Variants in AAMP observed in about 807,000 individuals in gnomAD.
AAMP encodes angio-associated migratory cell protein.
Under a neutral mutation model 51.1 loss-of-function variants are expected in AAMP, and 12 were observed. That is an observed-to-expected ratio of 0.23 (90% CI 0.15 to 0.38). The LOEUF is 0.38. Among genes scored for constraint, AAMP ranks in the 10% least tolerant of loss-of-function variants. The pLI is 1.00. For synonymous variants in AAMP, 210 were observed against 218.7 expected (o/e 0.96, Z 0.35); for missense variants, 418 against 557.2 (o/e 0.75, Z 2.52).
chr2:218,267,443 A>T lies in AAMP; in HGVS notation c.394+51T>A. The T allele has an allele frequency of 6.2e-7, 1 of 1,604,568 alleles. No homozygotes were observed. The highest frequency in any genetic ancestry group is 8.5e-7 in the Non-Finnish European group (1 of 1,173,450). On this transcript the variant is annotated intron_variant, in intron 3 of 10. Coordinates refer to ENST00000248450, the MANE Select transcript of AAMP (RefSeq NM_001087.5). This position sits in a 1 kb window ranked among gnomAD's most constrained non-coding sequence, Gnocchi z 4.6. Reference sequence around the variant, plus strand: ...AACCTCTGCAGGTCAGCCTCCTAAGATCTCCCAAAAGAATATGACCTCTCC... The same window carrying T: ...AACCTCTGCAGGTCAGCCTCCTAAGTTCTCCCAAAAGAATATGACCTCTCC...
At chr2:218,268,909 G>A (rs1190306606) in intron 2 of AAMP, among the ~76,000 whole-genome samples, 2 of 152,116 alleles carry the variant, frequency 1.3e-5, no homozygotes, top group Non-Finnish European at 2.9e-5. Context: ...ATATTGGCCA[G>A]GCTGGTCTGG....
Position 218,265,296 on chromosome 2 carries a change from G to C in AAMP, c.1074+75C>G. On this transcript the variant is annotated intron_variant, in intron 9 of 10. Transcript: ENST00000248450. The surrounding 1 kb of genome is among the most constrained non-coding windows in gnomAD (Gnocchi z 6.6). ...CCAGGCAGGAGCCAGATCTGGGGTA[G>C]ATGCTCCTGGAGGCCTGGGCTTCCC... is the stretch of plus-strand genomic sequence containing the variant. 1 of 1,536,356 alleles carries C rather than the reference G, an allele frequency of 6.5e-7. No individual in the cohort carries two copies. The highest frequency in any genetic ancestry group is 8.8e-7 in the Non-Finnish European group (1 of 1,131,644).
In AAMP at chr2:218,265,566, C is replaced by T. The variant is rs773372806; in HGVS notation, c.983+13G>A. Reference sequence around the variant, plus strand: ...GGCCCCTCCCACAAACCCCTTTCCCCATCCTCACTCACACACTGCAGAAGC... The same window carrying T: ...GGCCCCTCCCACAAACCCCTTTCCCTATCCTCACTCACACACTGCAGAAGC... On this transcript the variant is annotated intron_variant, in intron 8 of 10. Coordinates refer to ENST00000248450, the MANE Select transcript of AAMP (RefSeq NM_001087.5). The surrounding 1 kb of genome is among the most constrained non-coding windows in gnomAD (Gnocchi z 6.6). The T allele has an allele frequency of 1.4e-5, 23 of 1,612,310 alleles. No individual in the cohort carries two copies. In the Admixed American group the frequency reaches 3.3e-4, roughly 23 times the overall value.
In AAMP at chr2:218,265,203, G is replaced by A. The variant is rs199681193; in HGVS notation, c.1075-29C>T. 538 of 1,570,528 alleles carry A rather than the reference G, an allele frequency of 3.4e-4. No homozygotes were observed. Among genetic ancestry groups the A allele is most frequent in the Non-Finnish European group, 3.4e-4 (398 of 1,158,312 alleles). ...CCCCGAGGAATGACAGAGGCAGGGC[G>A]GAGGTTGGCAGGAGAGCTGAGAGCC... is the stretch of plus-strand genomic sequence containing the variant. On this transcript the variant is annotated intron_variant, in intron 9 of 10. Transcript: ENST00000248450. The surrounding 1 kb of genome is among the most constrained non-coding windows in gnomAD (Gnocchi z 6.6).
chr2:218,267,242 C>T lies in AAMP; in HGVS notation c.394+252G>A, dbSNP rs1040951258. 20 of 662,448 alleles carry T rather than the reference C, an allele frequency of 3.0e-5. No individual in the cohort carries two copies. The highest frequency in any genetic ancestry group is 1.5e-4 in the Admixed American group (5 of 34,092). The allele number at this position is 662,448 out of a possible 1,614,324, so 41.0% of individuals were successfully genotyped here. A position where few individuals can be genotyped will look rare whatever the true frequency, so the allele number is the denominator to read the frequency against. On this transcript the variant is annotated intron_variant, in intron 3 of 10. Transcript: ENST00000248450. This position sits in a 1 kb window ranked among gnomAD's most constrained non-coding sequence, Gnocchi z 4.6. Reference sequence around the variant, plus strand: ...CCTTCCCCCTTCTGTCCACTCTACACCTCTGCCCGCCTGCTCCTATACCAA... The same window carrying T: ...CCTTCCCCCTTCTGTCCACTCTACATCTCTGCCCGCCTGCTCCTATACCAA...
rs1023344021 is a variant in AAMP, at chr2:218,266,727, G to T, written c.534+120C>A. Reference sequence around the variant, plus strand: ...GGTAGCAGGTAGATATTCTTCCTGTGCCTTGGGGCGCATTGGCTCAGAGCT... The same window carrying T: ...GGTAGCAGGTAGATATTCTTCCTGTTCCTTGGGGCGCATTGGCTCAGAGCT... On this transcript the variant is annotated intron_variant, in intron 4 of 10. Transcript: ENST00000248450. The surrounding 1 kb of genome is among the most constrained non-coding windows in gnomAD (Gnocchi z 4.7). 3.0e-5 allele frequency: 46 copies of T among 1,556,672 alleles called. No individual in the cohort carries two copies. Among genetic ancestry groups the T allele is most frequent in the Non-Finnish European group, 4.0e-5 (46 of 1,145,162 alleles).
At position 218,269,981 on chromosome 2, in the gene AAMP, C is replaced by G; in HGVS notation, c.106G>C (p.Gly36Arg). The G allele has an allele frequency of 6.2e-7, 1 of 1,614,056 alleles. No individual in the cohort carries two copies. Among genetic ancestry groups the G allele is most frequent in the Non-Finnish European group, 8.5e-7 (1 of 1,179,990 alleles). ...CAGTTCTCACCTGGGTCCGGCGGAC[C>G]GGGATCAAGTTCTACCACCTCGATA... The part of the protein sequence containing the change: ...EIIEVVELDP[G>R]PPDPDDLAQE... The change falls in exon 1 of 11, where the codon GGT becomes CGT. Residue 36 changes from glycine to arginine, a missense_variant. Transcript: ENST00000248450.
intron 2 of AAMP, among the ~76,000 whole-genome samples, chr2:218,269,069 G>A (rs1332258422): frequency 1.3e-5 from 2 of 152,218 alleles, no homozygotes; most frequent in Admixed American, 6.5e-5. Context: ...CTGACCTCAA[G>A]TGATCCACCT....
At position 218,265,476 on chromosome 2, in the gene AAMP, G is replaced by A. The variant is rs372120836; in HGVS notation, c.984-15C>T. ...CCAGGGGCATCCTGGCCAGAGGAGCGTACCATGAAGACTCATGAGGGCCTG... is the reference window on the plus strand; with the variant it reads ...CCAGGGGCATCCTGGCCAGAGGAGCATACCATGAAGACTCATGAGGGCCTG... On this transcript the variant is annotated splice_polypyrimidine_tract_variant and intron_variant, in intron 8 of 10. Coordinates refer to ENST00000248450, the MANE Select transcript of AAMP (RefSeq NM_001087.5). The surrounding 1 kb of genome is among the most constrained non-coding windows in gnomAD (Gnocchi z 6.6). 2.5e-5 allele frequency: 40 copies of A among 1,573,312 alleles called. No homozygotes were observed. The highest frequency in any genetic ancestry group is 1.2e-4 in the East Asian group (5 of 43,216).
intron 1 of AAMP, 101 bp downstream of exon 1, chr2:218,269,865 G>A: frequency 1.3e-6 from 2 of 1,544,532 alleles, no homozygotes; most frequent in Non-Finnish European, 1.8e-6. Flanking sequence ...GATATCGGTA[G>A]GAATGACCAG....
Position 218,266,118 on chromosome 2 carries a change from C to T in AAMP, c.709G>A (p.Gly237Arg). 6.2e-7 allele frequency: 1 copy of T among 1,614,160 alleles called. No homozygotes were observed. The highest frequency in any genetic ancestry group is 8.5e-7 in the Non-Finnish European group (1 of 1,180,018). ...GKRAVVGYED[G>R]TIRIWDLKQG... ...TTCAGGTCCCAAATCCTGATGGTCCCATCTTCATAGCCTACCACAGCTCTC... is the reference window on the plus strand; with the variant it reads ...TTCAGGTCCCAAATCCTGATGGTCCTATCTTCATAGCCTACCACAGCTCTC... Residue 237 changes from glycine (G) to arginine (R), a missense_variant, in exon 6 of 11, where the codon GGG (glycine) becomes AGG (arginine). Transcript: ENST00000248450. The surrounding 1 kb of genome is among the most constrained non-coding windows in gnomAD (Gnocchi z 4.7).
Position 218,267,069 on chromosome 2 carries a change from C to A in AAMP, c.395-83G>T. The A allele has an allele frequency of 6.5e-7, 1 of 1,528,204 alleles. No homozygotes were observed. Among genetic ancestry groups the A allele is most frequent in the Admixed American group, 1.8e-5 (1 of 55,770 alleles). The allele number at this position is 1,528,204 out of a possible 1,614,324, so 94.7% of individuals were successfully genotyped here. On this transcript the variant is annotated intron_variant, in intron 3 of 10. Transcript: ENST00000248450. The surrounding 1 kb of genome is among the most constrained non-coding windows in gnomAD (Gnocchi z 4.6). ...GCATGTGATTCTGGTATCTGGCCCA[C>A]TGAAAGGACCAGCTAGGAAAAAAAG... is the stretch of plus-strand genomic sequence containing the variant.
rs1280967811 is a variant in AAMP, at chr2:218,270,108, C to G, written c.-22G>C. ...CCATGCGGCGCAAGCGGCGGATCCA[C>G]TTCTCTGGGCCCAAACGCCTCCCAG... On this transcript the variant is annotated 5_prime_UTR_variant, in exon 1 of 11. Transcript: ENST00000248450. The G allele has an allele frequency of 6.2e-7, 1 of 1,612,676 alleles. No individual in the cohort carries two copies. The highest frequency in any genetic ancestry group is 2.2e-5 in the East Asian group (1 of 44,868).
chr2:218,266,411 C>T lies in AAMP; in HGVS notation c.679+32G>A. 1 of 1,606,038 alleles carries T rather than the reference C, an allele frequency of 6.2e-7. No homozygotes were observed. On this transcript the variant is annotated intron_variant, in intron 5 of 10. Coordinates refer to ENST00000248450, the MANE Select transcript of AAMP (RefSeq NM_001087.5). This position sits in a 1 kb window ranked among gnomAD's most constrained non-coding sequence, Gnocchi z 4.7. ...TATCCCGGGATTCGGCCTCTGCACC[C>T]AGGAAAGGTCACTCAAGGGAGGTGC...
chr2:218,267,274 C>T lies in AAMP; in HGVS notation c.394+220G>A. The T allele has an allele frequency of 4.2e-6, 3 of 720,556 alleles. No individual in the cohort carries two copies. The highest frequency in any genetic ancestry group is 6.8e-6 in the Non-Finnish European group (3 of 442,790). The allele number at this position is 720,556 out of a possible 1,614,324, so 44.6% of individuals were successfully genotyped here. Reference sequence around the variant, plus strand: ...CCGCCTGCTCCTATACCAATGTGGCCTTCTCTGGCCTTTCCTGGATTCCCT... The same window carrying T: ...CCGCCTGCTCCTATACCAATGTGGCTTTCTCTGGCCTTTCCTGGATTCCCT... On this transcript the variant is annotated intron_variant, in intron 3 of 10. Transcript: ENST00000248450. The surrounding 1 kb of genome is among the most constrained non-coding windows in gnomAD (Gnocchi z 4.6).
chr2:218,266,171 G>C lies in AAMP; in HGVS notation c.680-24C>G, dbSNP rs756497659. On this transcript the variant is annotated intron_variant, in intron 5 of 10. Transcript: ENST00000248450. The surrounding 1 kb of genome is among the most constrained non-coding windows in gnomAD (Gnocchi z 4.7). ...CCCTGAAGAGAGGCACAGATGAAGA[G>C]AGGGCAGAGGGCACGCTCACATACA... 1.3e-6 allele frequency: 2 copies of C among 1,598,052 alleles called. No homozygotes were observed. The highest frequency in any genetic ancestry group is 1.1e-5 in the South Asian group (1 of 90,710).
At position 218,266,737 on chromosome 2, in the gene AAMP, G is replaced by T; in HGVS notation, c.534+110C>A. ...AGATATTCTTCCTGTGCCTTGGGGC[G>T]CATTGGCTCAGAGCTGGCTTGGCGC... On this transcript the variant is annotated intron_variant, in intron 4 of 10. Coordinates refer to ENST00000248450, the MANE Select transcript of AAMP (RefSeq NM_001087.5). This position sits in a 1 kb window ranked among gnomAD's most constrained non-coding sequence, Gnocchi z 4.7. 1 of 1,560,380 alleles carries T rather than the reference G, an allele frequency of 6.4e-7. No homozygotes were observed. Among genetic ancestry groups the T allele is most frequent in the Non-Finnish European group, 8.7e-7 (1 of 1,146,650 alleles).
Position 218,266,349 on chromosome 2 carries a change from G to A in AAMP, c.679+94C>T. The A allele has an allele frequency of 6.5e-7, 1 of 1,533,082 alleles. No homozygotes were observed. The highest frequency in any genetic ancestry group is 1.4e-5 in the African/African-American group (1 of 73,116). 95.0% of individuals were successfully genotyped at this position (1,533,082 alleles called of 1,614,324 possible). ...CTGCAAACAGCAGGCCTCAGATTTT[G>A]CCGGCTGTGACCCAGAAGGCTGCTC... On this transcript the variant is annotated intron_variant, in intron 5 of 10. Coordinates refer to ENST00000248450, the MANE Select transcript of AAMP (RefSeq NM_001087.5). The surrounding 1 kb of genome is among the most constrained non-coding windows in gnomAD (Gnocchi z 4.7).
Position 218,264,288 on chromosome 2 carries a change from G to A in AAMP, c.*245C>T. ...ATGGCTCACACCAGCAAATGAAAGT[G>A]AAAGAGAAACAGGTCCACCCCTCCC... On this transcript the variant is annotated 3_prime_UTR_variant, in exon 11 of 11. Transcript: ENST00000248450. 3.7e-6 allele frequency: 2 copies of A among 541,276 alleles called. No homozygotes were observed. Among genetic ancestry groups the A allele is most frequent in the South Asian group, 2.5e-5 (1 of 39,720 alleles). 33.5% of individuals were successfully genotyped at this position (541,276 alleles called of 1,614,324 possible).
Sources: gnomAD v4.1 joint callset for allele counts (sites outside exome capture counted in the v4.1 genomes callset) on GRCh38, gnomAD v4.1.1 for gene constraint, Gnocchi (gnomAD v3.1) non-coding constraint, MANE v1.5 for transcripts, NCBI Gene and HGNC (gene_info 2026-07-23, HGNC 2026-07-21) for gene names.